The following RAPGEF6 variants were observed in gnomAD, a reference collection of about 807,000 sequenced individuals.
The protein encoded by RAPGEF6 is PDZ domain containing guanine nucleotide exchange factor (GEF) 2.
RAPGEF6 carries 56 observed loss-of-function variants against 171.4 expected under a neutral mutation model. The ratio of observed to expected loss-of-function variants is 0.33; its 90% CI spans 0.26 to 0.41. The LOEUF is 0.41. Among genes scored for constraint, RAPGEF6 ranks in the 10% least tolerant of loss-of-function variants. The pLI, the probability that RAPGEF6 is intolerant of heterozygous loss-of-function variation, is 1.00. For synonymous variants in RAPGEF6, 692 were observed against 650.1 expected, an observed-to-expected ratio of 1.06 and a Z score of -0.98; for missense variants, 1,674 against 1,921.4, an observed-to-expected ratio of 0.87 and a Z score of 2.41.
intron 6 of RAPGEF6, among the ~76,000 whole-genome samples, chr5:131,543,686 A>T (rs1019261015): frequency 6.6e-6 from 1 of 152,214 alleles, no homozygotes; most frequent in Non-Finnish European, 1.5e-5. Flanking sequence ...TGTCCTCATC[A>T]TTCAGTTAGT....
intron 1 of RAPGEF6, among the ~76,000 whole-genome samples, chr5:131,611,554 C>T (rs779605698): frequency 2.6e-5 from 4 of 152,094 alleles, no homozygotes; most frequent in South Asian, 2.1e-4. Context: ...TGCCTACAAT[C>T]CCAGCTACTC....
chr5:131,593,320 C>A (rs1763697997), intron 3 of RAPGEF6, among the ~76,000 whole-genome samples: 2 of 152,220 alleles, frequency 1.3e-5, no homozygotes, highest in Admixed American at 6.5e-5. Context: ...ACAGAGAAAT[C>A]ATTCTTATTC....
intron 6 of RAPGEF6, chr5:131,532,997 T>C (rs1759498619): frequency 6.6e-6 from 1 of 152,590 alleles, no homozygotes. Flanking sequence ...GAAGCTCCTA[T>C]TGATTCTATG....
chr5:131,426,292 T>C lies in RAPGEF6; in HGVS notation c.*974A>G, dbSNP rs1439275936. 1 of 152,324 alleles carries C rather than the reference T, an allele frequency of 6.6e-6. No homozygotes were observed. Among genetic ancestry groups the C allele is most frequent in the African/African-American group, 2.4e-5 (1 of 41,446 alleles). The allele number at this position is 152,324 out of a possible 1,614,324, so 9.4% of individuals were successfully genotyped here. A position where few individuals can be genotyped will look rare whatever the true frequency, so the allele number is the denominator to read the frequency against. On this transcript the variant is annotated 3_prime_UTR_variant, in exon 28 of 28. Coordinates refer to ENST00000509018, the MANE Select transcript of RAPGEF6 (RefSeq NM_016340.6). The stretch of plus-strand genomic sequence containing the variant: ...TTCGTCTTCATTATTACAACACCCA[T>C]GATAAGAATTTCTTTAAAAAAAGTA...
At position 131,431,145 on chromosome 5, in the gene RAPGEF6, A is replaced by G. The variant is rs760749491; in HGVS notation, c.4179T>C (p.His1393=). The G allele has an allele frequency of 1.9e-6, 3 of 1,614,210 alleles. No homozygotes were observed. In the East Asian group the frequency reaches 6.7e-5, roughly 36 times the overall value. Residue 1393 remains histidine, a synonymous_variant, in exon 26 of 28, where the codon CAT becomes CAC. Transcript: ENST00000509018. Reference sequence around the variant, plus strand: ...CAGCAATGGGGTCATCCAAATGGGTATGTCTGTAAGAGTTCAAAAAATCCC... The same window carrying G: ...CAGCAATGGGGTCATCCAAATGGGTGTGTCTGTAAGAGTTCAAAAAATCCC... ...KSWDFLNSYR[H]THLDDPIAEV...
intron 15 of RAPGEF6, among the ~76,000 whole-genome samples, chr5:131,483,483 T>C (rs934104037): frequency 2.7e-5 from 4 of 147,822 alleles, no homozygotes; most frequent in Non-Finnish European, 6.0e-5. Flanking sequence ...GGGACAAAAA[T>C]GAAAGGATAG....
intron 6 of RAPGEF6, among the ~76,000 whole-genome samples, chr5:131,547,701 G>C (rs1332302303): frequency 1.3e-5 from 2 of 151,640 alleles, no homozygotes; most frequent in African/African-American, 4.8e-5. Context: ...GTAGAGATGG[G>C]GGTTTCACCA....
intron 15 of RAPGEF6, among the ~76,000 whole-genome samples, chr5:131,484,406 T>C (rs1755729950): frequency 6.6e-6 from 1 of 151,762 alleles, no homozygotes; most frequent in African/African-American, 2.4e-5. Context: ...TTTGTATTTT[T>C]AGTAGAGACA....
intron 1 of RAPGEF6, among the ~76,000 whole-genome samples, chr5:131,625,836 C>A (rs920411519): frequency 1.3e-5 from 2 of 150,966 alleles, no homozygotes; most frequent in African/African-American, 4.8e-5. Flanking sequence ...AACCATACTT[C>A]TTGGTTTCCA....
chr5:131,525,876 T>C (rs1199490057), intron 6 of RAPGEF6, among the ~76,000 whole-genome samples: 1 of 152,136 alleles, frequency 6.6e-6, no homozygotes, highest in African/African-American at 2.4e-5. Context: ...TTCATAGTAC[T>C]GACAATGTAC....
At chr5:131,514,971 T>C (rs1012543018) in intron 7 of RAPGEF6, among the ~76,000 whole-genome samples, 2 of 152,220 alleles carry the variant, frequency 1.3e-5, no homozygotes, top group Admixed American at 1.3e-4. Flanking sequence ...TTTCTTTTCC[T>C]GACATATGAA....
intron 4 of RAPGEF6, among the ~76,000 whole-genome samples, chr5:131,565,178 T>A (rs1014533627): frequency 1.3e-5 from 2 of 152,168 alleles, no homozygotes; most frequent in African/African-American, 4.8e-5. Context: ...AATATATTAA[T>A]TTAGCAAGAT....
chr5:131,541,738 A>G lies in RAPGEF6; in HGVS notation c.495+6309T>C, dbSNP rs561686319. Among the ~76,000 whole-genome samples, 3 of 152,336 alleles carry G rather than the reference A, an allele frequency of 2.0e-5. No individual in the cohort carries two copies. The East Asian group carries it at 5.8e-4, about 29-fold the overall frequency. The stretch of plus-strand genomic sequence containing the variant: ...ATAGGTAATGTATTTAAAAACTAAT[A>G]CATGTGTTACTGGCAAAATATTTTG... On this transcript the variant is annotated intron_variant, in intron 6 of 27. Coordinates refer to ENST00000509018, the MANE Select transcript of RAPGEF6 (RefSeq NM_016340.6).
At chr5:131,601,759 C>T (rs918462913) in intron 3 of RAPGEF6, among the ~76,000 whole-genome samples, 7 of 151,934 alleles carry the variant, frequency 4.6e-5, no homozygotes, top group Non-Finnish European at 8.8e-5. Context: ...ATTGGCCGGG[C>T]GCAGTGGCTC....
At position 131,498,425 on chromosome 5, in the gene RAPGEF6, G is replaced by A. The variant is rs751954671; in HGVS notation, c.1419+18C>T. On this transcript the variant is annotated intron_variant, in intron 12 of 27. Transcript: ENST00000509018. ...AATTTTGGGTTAAAATCACTTTCAT[G>A]CCCCTTATAAAACCAACCTTATCTC... 4 of 1,575,376 alleles carry A rather than the reference G, an allele frequency of 2.5e-6. No individual in the cohort carries two copies. Among genetic ancestry groups the A allele is most frequent in the Non-Finnish European group, 3.4e-6 (4 of 1,160,752 alleles).
chr5:131,480,536 T>C (rs1178621249), intron 15 of RAPGEF6, among the ~76,000 whole-genome samples: 3 of 152,188 alleles, frequency 2.0e-5, no homozygotes, highest in African/African-American at 7.2e-5. Context: ...TGGAGTGCAG[T>C]GGCACAATCT....
At chr5:131,436,230 T>C (rs971906118) in intron 24 of RAPGEF6, 2 of 1,537,558 alleles carry the variant, frequency 1.3e-6, no homozygotes, top group African/African-American at 2.7e-5. Flanking sequence ...TTGTCCTGTC[T>C]CTATTCTCCT....
At chr5:131,453,952 A>C (rs1421996060) in intron 20 of RAPGEF6, among the ~76,000 whole-genome samples, 1 of 152,270 alleles carries the variant, frequency 6.6e-6, no homozygotes, top group Non-Finnish European at 1.5e-5. Flanking sequence ...AGAGGCAGTA[A>C]GACTACATAA....
At chr5:131,633,411 G>T (rs1766437816) in intron 1 of RAPGEF6, among the ~76,000 whole-genome samples, 1 of 152,034 alleles carries the variant, frequency 6.6e-6, no homozygotes, top group Non-Finnish European at 1.5e-5. Context: ...ATTAAAATGT[G>T]AATTTAGTAG....
Sources: gnomAD v4.1 joint callset for allele counts (sites outside exome capture counted in the v4.1 genomes callset) on GRCh38, gnomAD v4.1.1 for gene constraint, MANE v1.5 for transcripts, NCBI Gene and HGNC (gene_info 2026-07-23, HGNC 2026-07-21) for gene names.